KATNIP: variants seen among roughly 807,000 people sequenced by gnomAD.
KATNIP encodes katanin-interacting protein.
In KATNIP, 126 loss-of-function variants were observed where a neutral mutation model predicts 174.0. That is an observed-to-expected ratio of 0.72 (90% CI 0.63 to 0.84). The LOEUF is 0.84. KATNIP is among the 40% of genes least tolerant of loss of function. The pLI, the probability that KATNIP is intolerant of heterozygous loss-of-function variation, is 0.00. For missense variants in KATNIP, 1,958 were observed against 2,109.7 expected (o/e 0.93, Z 1.41); for synonymous variants, 810 against 835.7 (o/e 0.97, Z 0.53).
At chr16:27,623,485 G>A (rs917872602) in intron 3 of KATNIP, among the ~76,000 whole-genome samples, 1 of 151,728 alleles carries the variant, frequency 6.6e-6, no homozygotes, top group African/African-American at 2.4e-5. Flanking sequence ...TTGAGATGGG[G>A]GTCTCACTCT....
At chr16:27,600,799 G>A (rs962130839) in intron 2 of KATNIP, among the ~76,000 whole-genome samples, 9 of 151,006 alleles carry the variant, frequency 6.0e-5, no homozygotes, top group Non-Finnish European at 8.8e-5. Context: ...GCGCAATCTC[G>A]GCTTACCACA....
chr16:27,739,483 C>T (rs974521223), intron 14 of KATNIP, among the ~76,000 whole-genome samples: 3 of 152,160 alleles, frequency 2.0e-5, no homozygotes, highest in Admixed American at 6.5e-5. Context: ...GCCAAATACT[C>T]GACTTGCACC....
chr16:27,690,982 A>G (rs1428262077), intron 8 of KATNIP, among the ~76,000 whole-genome samples: 1 of 152,004 alleles, frequency 6.6e-6, no homozygotes, highest in African/African-American at 2.4e-5. Flanking sequence ...CAATTTTTCT[A>G]AAAAAGTGAA....
At chr16:27,729,459 G>A (rs989631105) in intron 14 of KATNIP, among the ~76,000 whole-genome samples, 1 of 152,326 alleles carries the variant, frequency 6.6e-6, no homozygotes, top group Non-Finnish European at 1.5e-5. Flanking sequence ...GGAAATTGAA[G>A]TGCTGCCTCT....
Position 27,757,140 on chromosome 16 carries a change from A to C in KATNIP, c.3631+2889A>C, listed in dbSNP as rs140583329. Among the ~76,000 whole-genome samples the C allele has an allele frequency of 4.2e-3, 635 of 152,294 alleles. 7 individuals are homozygous for C. The highest frequency in any genetic ancestry group is 0.013 in the African/African-American group (559 of 41,556). On this transcript the variant is annotated intron_variant, in intron 18 of 27. Coordinates refer to ENST00000261588, the MANE Select transcript of KATNIP (RefSeq NM_015202.5). ...CACTCTGTGGCCCAGGCTAGAGTGC[A>C]GTAGTGCAAACACAGCTCACTGCAG...
chr16:27,677,707 C>A, intron 6 of KATNIP, 22 bp from the exon 7 acceptor site: 2 of 1,587,418 alleles, frequency 1.3e-6, no homozygotes, highest in Non-Finnish European at 1.7e-6. Context: ...TATCTCTCAT[C>A]TCTCTTCTGG....
chr16:27,759,821 T>G (rs904235923), intron 18 of KATNIP, among the ~76,000 whole-genome samples: 2 of 152,118 alleles, frequency 1.3e-5, no homozygotes, highest in Non-Finnish European at 2.9e-5. Flanking sequence ...CTGGATGGGA[T>G]GAGGGGCAAA....
chr16:27,777,820 G>A lies in KATNIP; in HGVS notation c.4712+50G>A. 1 of 1,613,004 alleles carries A rather than the reference G, an allele frequency of 6.2e-7. No homozygotes were observed. Among genetic ancestry groups the A allele is most frequent in the East Asian group, 2.2e-5 (1 of 44,874 alleles). On this transcript the variant is annotated intron_variant, in intron 26 of 27. Transcript: ENST00000261588. The surrounding 1 kb of genome is among the most constrained non-coding windows in gnomAD (Gnocchi z 4.4). Reference sequence around the variant, plus strand: ...CCTCCCCACCAGCCCTAAGGAGGATGGATGGCTGGGACACACGGCCAGGAG... The same window carrying A: ...CCTCCCCACCAGCCCTAAGGAGGATAGATGGCTGGGACACACGGCCAGGAG...
At chr16:27,676,050 A>G (rs1462432849) in intron 6 of KATNIP, among the ~76,000 whole-genome samples, 2 of 152,250 alleles carry the variant, frequency 1.3e-5, no homozygotes, top group East Asian at 3.8e-4. Flanking sequence ...AATCTTCTGC[A>G]ATCTGGATAG....
intron 2 of KATNIP, among the ~76,000 whole-genome samples, chr16:27,574,558 CTTTTTT>C (rs10708223): frequency 7.5e-5 from 4 of 53,512 alleles, no homozygotes; most frequent in Admixed American, 2.7e-4. Context: ...ACTTTCTATT[CTTTTTT>C]TTTTTTTTTT....
intron 12 of KATNIP, 107 bp downstream of exon 12, chr16:27,704,105 C>T: frequency 1.2e-6 from 1 of 841,718 alleles, no homozygotes. Flanking sequence ...GAGCATCTCT[C>T]TGCCTGTGTT....
chr16:27,709,994 A>AC, intron 13 of KATNIP, among the ~76,000 whole-genome samples: 1 of 151,848 alleles, frequency 6.6e-6, no homozygotes, highest in East Asian at 1.9e-4. Flanking sequence ...CCTTGCCCAC[A>AC]CCCCCTCAGG....
chr16:27,694,399 C>A (rs999750777), intron 8 of KATNIP, among the ~76,000 whole-genome samples: 1 of 152,104 alleles, frequency 6.6e-6, no homozygotes, highest in East Asian at 1.9e-4. Context: ...TACATAGATC[C>A]CCCAAGATGT....
intron 8 of KATNIP, among the ~76,000 whole-genome samples, chr16:27,695,845 C>T (rs1476684065): frequency 2.0e-5 from 3 of 152,144 alleles, no homozygotes; most frequent in South Asian, 2.1e-4. Flanking sequence ...CTCCCCTCCC[C>T]GCCCCAATGT....
chr16:27,720,138 TG>T (rs1394517109), intron 13 of KATNIP, among the ~76,000 whole-genome samples: 5 of 152,206 alleles, frequency 3.3e-5, no homozygotes, highest in African/African-American at 1.2e-4. Context: ...AGACGGAGTT[TG>T]GAGTTCAATG....
chr16:27,602,551 A>G (rs147170019), intron 2 of KATNIP, among the ~76,000 whole-genome samples: 47 of 152,340 alleles, frequency 3.1e-4, no homozygotes, highest in Non-Finnish European at 5.3e-4. Flanking sequence ...CCTGCTGCCC[A>G]GATACAGCCA....
chr16:27,602,148 C>G (rs990858219), intron 2 of KATNIP, among the ~76,000 whole-genome samples: 3 of 152,288 alleles, frequency 2.0e-5, no homozygotes, highest in East Asian at 1.9e-4. Context: ...GGCCTGAGCC[C>G]CCTCCTGGGC....
intron 13 of KATNIP, among the ~76,000 whole-genome samples, chr16:27,714,977 G>A (rs555252121): frequency 1.3e-5 from 2 of 152,220 alleles, no homozygotes; most frequent in South Asian, 4.1e-4. Flanking sequence ...GAATTTCAAG[G>A]GACTTGGAAA....
At chr16:27,579,646 C>T (rs2090621271) in intron 2 of KATNIP, among the ~76,000 whole-genome samples, 1 of 151,858 alleles carries the variant, frequency 6.6e-6, no homozygotes, top group South Asian at 2.1e-4. Flanking sequence ...GGCACCTGGG[C>T]CCCCAGGCAG....
Sources: gnomAD v4.1 joint callset for allele counts (sites outside exome capture counted in the v4.1 genomes callset) on GRCh38, gnomAD v4.1.1 for gene constraint, Gnocchi (gnomAD v3.1) non-coding constraint, MANE v1.5 for transcripts, NCBI Gene and HGNC (gene_info 2026-07-23, HGNC 2026-07-21) for gene names.